SH3BGRL2: variants seen among roughly 807,000 people sequenced by gnomAD.
The protein encoded by SH3BGRL2 is SH3 domain-binding glutamic acid-rich-like protein 2.
A neutral mutation model predicts 14.8 loss-of-function variants in SH3BGRL2; 21 were observed. The ratio of observed to expected loss-of-function variants is 1.42; its 90% CI spans 1.01 to 2.05. The LOEUF is 2.05. Ranked by LOEUF, SH3BGRL2 falls within the 30% of genes most tolerant of loss-of-function variation. The pLI, the probability that SH3BGRL2 is intolerant of heterozygous loss-of-function variation, is 0.00. For missense variants in SH3BGRL2, 147 were observed against 130.8 expected, an observed-to-expected ratio of 1.12 and a Z score of -0.61; for synonymous variants, 50 against 47.8, an observed-to-expected ratio of 1.05 and a Z score of -0.19.
the SH3BGRL2 span, among the ~76,000 whole-genome samples, chr6:79,553,469 G>A: frequency 6.6e-6 from 1 of 152,074 alleles, no homozygotes; most frequent in South Asian, 2.1e-4. Flanking sequence ...CAAAACTTTA[G>A]TGTACATTTT....
At chr6:79,586,140 T>G in the SH3BGRL2 span, among the ~76,000 whole-genome samples, 1 of 148,704 alleles carries the variant, frequency 6.7e-6, no homozygotes, top group Non-Finnish European at 1.5e-5. Context: ...AGGTTGCGGT[T>G]AGCCAAGATA....
intron 2 of SH3BGRL2, among the ~76,000 whole-genome samples, chr6:79,677,386 G>A: frequency 6.6e-6 from 1 of 152,150 alleles, no homozygotes; most frequent in Non-Finnish European, 1.5e-5. Context: ...CTCTCATTTA[G>A]CAGTTGTATA....
At chr6:79,680,021 C>T (rs1769959342) in intron 2 of SH3BGRL2, among the ~76,000 whole-genome samples, 1 of 152,180 alleles carries the variant, frequency 6.6e-6, no homozygotes, top group South Asian at 2.1e-4. Flanking sequence ...TTTTCCTCCA[C>T]TCCATAGGTT....
In SH3BGRL2 at chr6:79,701,786, T is replaced by G. The variant is rs1307706374; in HGVS notation, c.*2277T>G. On this transcript the variant is annotated 3_prime_UTR_variant, in exon 4 of 4. Coordinates refer to ENST00000369838, the MANE Select transcript of SH3BGRL2 (RefSeq NM_031469.4). ...GCTCAGAGAATATGGGGTCCTTACT[T>G]GTATTCTTTTATCAGCTGATTTTGA... The G allele has an allele frequency of 6.6e-6, 1 of 152,386 alleles. No individual in the cohort carries two copies. Among genetic ancestry groups the G allele is most frequent in the South Asian group, 2.1e-4 (1 of 4,814 alleles). The allele number at this position is 152,386 out of a possible 1,614,324, so 9.4% of individuals were successfully genotyped here.
chr6:79,697,558 A>G (rs1181554539), intron 3 of SH3BGRL2, among the ~76,000 whole-genome samples: 2 of 152,216 alleles, frequency 1.3e-5, no homozygotes, highest in African/African-American at 4.8e-5. Flanking sequence ...ATTATAGACC[A>G]GCATCTGCAG....
the SH3BGRL2 span, among the ~76,000 whole-genome samples, chr6:79,542,953 C>T: frequency 1.5e-3 from 225 of 152,290 alleles, no homozygotes; most frequent in African/African-American, 5.2e-3. Flanking sequence ...TTGGTGACCA[C>T]ACAAGAATTA....
At chr6:79,552,547 C>T in the SH3BGRL2 span, among the ~76,000 whole-genome samples, 1 of 152,094 alleles carries the variant, frequency 6.6e-6, no homozygotes. Context: ...TGAGTTACCA[C>T]AAAAGAGGGA....
chr6:79,655,258 A>T (rs1769382423), intron 1 of SH3BGRL2, among the ~76,000 whole-genome samples: 1 of 152,150 alleles, frequency 6.6e-6, no homozygotes, highest in South Asian at 2.1e-4. Flanking sequence ...CCTTATGGGA[A>T]GTTTTGATAC....
At chr6:79,676,892 A>G (rs1272784316) in intron 2 of SH3BGRL2, among the ~76,000 whole-genome samples, 1 of 152,052 alleles carries the variant, frequency 6.6e-6, no homozygotes, top group African/African-American at 2.4e-5. Context: ...TTTTTCAAGT[A>G]GACTATCTGG....
In SH3BGRL2 at chr6:79,631,552, G is replaced by A. The variant is rs754898477; in HGVS notation, c.45+46G>A. The A allele has an allele frequency of 4.4e-6, 6 of 1,356,604 alleles. No individual in the cohort carries two copies. The Admixed American group carries it at 9.3e-5, about 21-fold the overall frequency. 84.0% of individuals were successfully genotyped at this position (1,356,604 alleles called of 1,614,324 possible). On this transcript the variant is annotated intron_variant, in intron 1 of 3. Transcript: ENST00000369838. ...CAGTAGGTTGGGGTCGCGGGGCGCG[G>A]GTCCTGCGGGAGGCGCGCGGCGCTC...
rs1219969762 is a variant in SH3BGRL2, at chr6:79,701,104, G to A, written c.*1595G>A. 6.6e-6 allele frequency: 1 copy of A among 152,118 alleles called. No homozygotes were observed. The highest frequency in any genetic ancestry group is 1.5e-5 in the Non-Finnish European group (1 of 68,014). 9.4% of individuals were successfully genotyped at this position (152,118 alleles called of 1,614,324 possible). On this transcript the variant is annotated 3_prime_UTR_variant, in exon 4 of 4. Coordinates refer to ENST00000369838, the MANE Select transcript of SH3BGRL2 (RefSeq NM_031469.4). ...AGGATTACAACCAGAAGGAAAGTAT[G>A]ACAGATTTCTACTTAACTAGAATGG...
At chr6:79,552,230 T>TA in the SH3BGRL2 span, among the ~76,000 whole-genome samples, 2 of 152,232 alleles carry the variant, frequency 1.3e-5, no homozygotes, top group Non-Finnish European at 2.9e-5. Context: ...AAGCTGTAGT[T>TA]ACGGCTGGTG....
the SH3BGRL2 span, among the ~76,000 whole-genome samples, chr6:79,609,171 A>T: frequency 6.6e-6 from 1 of 152,170 alleles, no homozygotes; most frequent in South Asian, 2.1e-4. Flanking sequence ...CTCCTTTTAC[A>T]TGCATGACAT....
the SH3BGRL2 span, among the ~76,000 whole-genome samples, chr6:79,560,024 G>A: frequency 3.3e-5 from 5 of 152,134 alleles, no homozygotes; most frequent in Non-Finnish European, 7.3e-5. Context: ...AGGAGAAGGA[G>A]GAGAAGAGGA....
the SH3BGRL2 span, among the ~76,000 whole-genome samples, chr6:79,585,970 C>T: frequency 2.0e-5 from 3 of 151,752 alleles, no homozygotes; most frequent in Non-Finnish European, 2.9e-5. Flanking sequence ...CCGAGGCAGG[C>T]GGATCACCTG....
the SH3BGRL2 span, among the ~76,000 whole-genome samples, chr6:79,571,772 A>T: frequency 2.6e-5 from 4 of 152,224 alleles, no homozygotes; most frequent in Non-Finnish European, 4.4e-5. Flanking sequence ...ATTAAATAAA[A>T]CATAATGTAT....
chr6:79,537,669 G>A, the SH3BGRL2 span, among the ~76,000 whole-genome samples: 1 of 152,234 alleles, frequency 6.6e-6, no homozygotes, highest in African/African-American at 2.4e-5. Flanking sequence ...GGGCTCGACT[G>A]CTGAGCGTCG....
rs375635032 is a variant in SH3BGRL2 at position 79,664,959 on chromosome 6, T to G, written c.46-8655T>G. Among the ~76,000 whole-genome samples, 7 of 152,304 alleles carry G rather than the reference T, an allele frequency of 4.6e-5. No individual in the cohort carries two copies. The East Asian group carries it at 1.4e-3, about 29-fold the overall frequency. On this transcript the variant is annotated intron_variant, in intron 1 of 3. Coordinates refer to ENST00000369838, the MANE Select transcript of SH3BGRL2 (RefSeq NM_031469.4). ...GCTCACGTCTGTAATCCCAGCACTT[T>G]GGGAGGCTGAGGAGGGCAGATCATG...
chr6:79,656,535 T>C (rs1279526739), intron 1 of SH3BGRL2, among the ~76,000 whole-genome samples: 7 of 152,182 alleles, frequency 4.6e-5, no homozygotes, highest in Non-Finnish European at 1.0e-4. Flanking sequence ...ATAAGTACAG[T>C]TGGCCCTTCC....
Sources: gnomAD v4.1 joint callset for allele counts (sites outside exome capture counted in the v4.1 genomes callset) on GRCh38, gnomAD v4.1.1 for gene constraint, MANE v1.5 for transcripts, NCBI Gene and HGNC (gene_info 2026-07-23, HGNC 2026-07-21) for gene names.